The following GPC5 variants were observed in gnomAD, a reference collection of about 807,000 sequenced individuals.
GPC5 encodes glypican 5.
GPC5 carries 47 observed loss-of-function variants against 53.9 expected under a neutral mutation model. That is an observed-to-expected ratio of 0.87 (90% CI 0.69 to 1.11). The LOEUF (loss-of-function observed/expected upper bound fraction) is 1.11. Among genes scored for constraint, GPC5 ranks in the 50% most tolerant of loss-of-function variants. GPC5 has a pLI of 0.00. For synonymous variants in GPC5, 286 were observed against 263.3 expected (o/e 1.09, Z -0.84); for missense variants, 748 against 713.1 (o/e 1.05, Z -0.56).
chr13:91,675,547 T>A (rs2035362619), intron 2 of GPC5, among the ~76,000 whole-genome samples: 1 of 152,208 alleles, frequency 6.6e-6, no homozygotes, highest in African/African-American at 2.4e-5. Context: ...CATGTAGGGA[T>A]GTTAGCAACT....
chr13:92,356,431 G>A (rs78920551), intron 7 of GPC5, among the ~76,000 whole-genome samples: 52 of 152,292 alleles, frequency 3.4e-4, no homozygotes, highest in African/African-American at 1.2e-3. Flanking sequence ...AGCAAAAGTC[G>A]AAACAGAAAA....
chr13:91,697,756 T>A (rs2035910370), intron 3 of GPC5, among the ~76,000 whole-genome samples: 2 of 152,114 alleles, frequency 1.3e-5, no homozygotes, highest in Non-Finnish European at 2.9e-5. Context: ...TTTCTTGCTA[T>A]AATTTGACAC....
intron 5 of GPC5, among the ~76,000 whole-genome samples, chr13:91,820,835 C>A (rs193296202): frequency 1.3e-5 from 2 of 151,912 alleles, no homozygotes; most frequent in Non-Finnish European, 2.9e-5. Flanking sequence ...TGGTGGTGGG[C>A]GCCTGTAGTC....
chr13:91,850,990 G>A (rs2038906952), intron 5 of GPC5, among the ~76,000 whole-genome samples: 1 of 152,060 alleles, frequency 6.6e-6, no homozygotes, highest in Admixed American at 6.6e-5. Flanking sequence ...TTGGAGTTGA[G>A]CCTTCTGCAG....
At chr13:91,543,195 G>A (rs908333668) in intron 2 of GPC5, among the ~76,000 whole-genome samples, 2 of 151,904 alleles carry the variant, frequency 1.3e-5, no homozygotes, top group Non-Finnish European at 2.9e-5. Context: ...GATTCTCCAT[G>A]TTGGTCAGAC....
chr13:92,489,309 C>T (rs2374031), intron 7 of GPC5, among the ~76,000 whole-genome samples: 117,731 of 152,086 alleles, frequency 0.77, 45,589 homozygotes, highest in Middle Eastern at 0.81. Flanking sequence ...GCTATGTCTT[C>T]GTTGCTAGAG....
chr13:92,599,151 G>A (rs1334210531), intron 7 of GPC5, among the ~76,000 whole-genome samples: 1 of 152,142 alleles, frequency 6.6e-6, no homozygotes, highest in African/African-American at 2.4e-5. Flanking sequence ...GATGTTAAAT[G>A]TTTGATACAA....
intron 7 of GPC5, among the ~76,000 whole-genome samples, chr13:92,181,866 C>T (rs1272264754): frequency 6.6e-6 from 1 of 152,130 alleles, no homozygotes; most frequent in Non-Finnish European, 1.5e-5. Context: ...TGCTGTCCTA[C>T]ATTATGCAAT....
intron 6 of GPC5, among the ~76,000 whole-genome samples, chr13:92,052,126 T>G (rs1224656055): frequency 1.3e-5 from 2 of 152,168 alleles, no homozygotes; most frequent in Non-Finnish European, 2.9e-5. Flanking sequence ...CCATTAAAAT[T>G]GGCCTGCACT....
intron 2 of GPC5, among the ~76,000 whole-genome samples, chr13:91,488,458 A>C (rs1883740450): frequency 6.6e-6 from 1 of 152,342 alleles, no homozygotes; most frequent in Middle Eastern, 3.4e-3. Flanking sequence ...GCCTGAAGCC[A>C]TGGCAGAAGA....
intron 1 of GPC5, among the ~76,000 whole-genome samples, chr13:91,421,594 T>C (rs55811542): frequency 0.036 from 5,470 of 152,286 alleles, 146 homozygotes; most frequent in Middle Eastern, 0.068. Context: ...TGAATTGCAA[T>C]GAATATTTGT....
At chr13:91,536,647 C>T (rs981572510) in intron 2 of GPC5, among the ~76,000 whole-genome samples, 3 of 152,090 alleles carry the variant, frequency 2.0e-5, no homozygotes, top group Non-Finnish European at 4.4e-5. Flanking sequence ...CTGTCTTCTC[C>T]CTGTGTATGT....
At chr13:92,353,643 A>G (rs945570844) in intron 7 of GPC5, among the ~76,000 whole-genome samples, 5 of 152,206 alleles carry the variant, frequency 3.3e-5, no homozygotes, top group Admixed American at 6.5e-5. Context: ...ATAAATATAA[A>G]GCAGACTATA....
chr13:91,764,901 T>C (rs1310306489), intron 5 of GPC5, among the ~76,000 whole-genome samples: 1 of 152,210 alleles, frequency 6.6e-6, no homozygotes, highest in African/African-American at 2.4e-5. Context: ...CTGGCAGGTA[T>C]TAACAGCTGA....
chr13:92,115,267 G>A (rs926320924), intron 6 of GPC5, among the ~76,000 whole-genome samples: 12 of 152,142 alleles, frequency 7.9e-5, no homozygotes, highest in Non-Finnish European at 1.2e-4. Context: ...CCAACACTTC[G>A]GGAGGCCGAG....
intron 7 of GPC5, among the ~76,000 whole-genome samples, chr13:92,828,918 G>A (rs907286429): frequency 9.9e-5 from 15 of 152,082 alleles, no homozygotes; most frequent in African/African-American, 3.4e-4. Context: ...ATGAATACAC[G>A]AAAAGCTTAG....
At chr13:91,467,027 C>T (rs1338361835) in intron 2 of GPC5, among the ~76,000 whole-genome samples, 7 of 152,130 alleles carry the variant, frequency 4.6e-5, no homozygotes, top group South Asian at 2.1e-4. Flanking sequence ...TTGCTTTACA[C>T]GCCTGCATTG....
chr13:91,770,145 G>GATGCA (rs1247391083), intron 5 of GPC5, among the ~76,000 whole-genome samples: 1 of 152,056 alleles, frequency 6.6e-6, no homozygotes, highest in Non-Finnish European at 1.5e-5. Flanking sequence ...TATTATAAAG[G>GATGCA]ATGCAATTCA....
At chr13:91,851,138 C>T (rs2038908342) in intron 5 of GPC5, among the ~76,000 whole-genome samples, 1 of 152,056 alleles carries the variant, frequency 6.6e-6, no homozygotes, top group Admixed American at 6.6e-5. Context: ...TGGCAAGTAA[C>T]ATGGAGATAA....
Sources: gnomAD v4.1 joint callset for allele counts (sites outside exome capture counted in the v4.1 genomes callset) on GRCh38, gnomAD v4.1.1 for gene constraint, MANE v1.5 for transcripts, NCBI Gene and HGNC (gene_info 2026-07-23, HGNC 2026-07-21) for gene names.